KIAA1549L: variants seen among roughly 807,000 people sequenced by gnomAD.
KIAA1549L encodes the protein KIAA1549 like.
In KIAA1549L, 88 loss-of-function variants were observed where a neutral mutation model predicts 160.7. That is an observed-to-expected ratio of 0.55 (90% CI 0.46 to 0.65). The LOEUF is 0.65. Ranked by LOEUF, KIAA1549L falls within the 30% of genes least tolerant of loss-of-function variation. KIAA1549L has a pLI of 0.00. For synonymous variants in KIAA1549L, 950 were observed against 976.7 expected (o/e 0.97, Z 0.51); for missense variants, 2,258 against 2,437.5 (o/e 0.93, Z 1.55).
intron 13 of KIAA1549L, chr11:33,599,600 T>C (rs1185559293): frequency 6.6e-6 from 1 of 152,256 alleles, no homozygotes; most frequent in Non-Finnish European, 1.5e-5. Context: ...TCTCCTTTCC[T>C]GTAAGGATTG....
At chr11:33,576,868 G>A (rs112382295) in intron 10 of KIAA1549L, among the ~76,000 whole-genome samples, 9 of 152,138 alleles carry the variant, frequency 5.9e-5, no homozygotes, top group African/African-American at 1.7e-4. Flanking sequence ...GGTTGTAGAC[G>A]TGTTAGGTGT....
intron 14 of KIAA1549L, among the ~76,000 whole-genome samples, chr11:33,608,932 C>A (rs1473466375): frequency 1.6e-4 from 24 of 152,198 alleles, no homozygotes; most frequent in Admixed American, 1.6e-3. Context: ...ATACGTTTTT[C>A]TTTTGTAAAT....
At chr11:33,588,262 C>T (rs1326754526) in intron 11 of KIAA1549L, among the ~76,000 whole-genome samples, 1 of 152,186 alleles carries the variant, frequency 6.6e-6, no homozygotes, top group African/African-American at 2.4e-5. Flanking sequence ...GCACCAAGGA[C>T]AGTCCCTATC....
intron 1 of KIAA1549L, among the ~76,000 whole-genome samples, chr11:33,431,157 G>A (rs1162621219): frequency 6.6e-6 from 1 of 152,180 alleles, no homozygotes; most frequent in Non-Finnish European, 1.5e-5. Context: ...CTTCAGGAGT[G>A]AAGCTGCAGA....
intron 1 of KIAA1549L, among the ~76,000 whole-genome samples, chr11:33,418,197 A>G (rs961698434): frequency 2.6e-5 from 4 of 152,164 alleles, no homozygotes; most frequent in African/African-American, 9.7e-5. Flanking sequence ...GCAGGGTCTT[A>G]ATTTTGTTGG....
intron 17 of KIAA1549L, among the ~76,000 whole-genome samples, chr11:33,649,339 G>A (rs1399564557): frequency 3.0e-5 from 4 of 132,808 alleles, no homozygotes; most frequent in Admixed American, 1.5e-4. Flanking sequence ...CTGTCTCTAC[G>A]GGGGAAAAAA....
At chr11:33,602,593 T>C (rs1461289974) in intron 13 of KIAA1549L, among the ~76,000 whole-genome samples, 2 of 151,878 alleles carry the variant, frequency 1.3e-5, no homozygotes, top group Non-Finnish European at 2.9e-5. Context: ...AAAACAACAG[T>C]AAAAACAAGG....
At chr11:33,498,807 A>T (rs915486483) in intron 1 of KIAA1549L, among the ~76,000 whole-genome samples, 5 of 152,178 alleles carry the variant, frequency 3.3e-5, no homozygotes. Flanking sequence ...TACCATAGTG[A>T]GGAATCACCC....
chr11:33,477,277 T>G (rs1852307171), intron 1 of KIAA1549L, among the ~76,000 whole-genome samples: 1 of 151,966 alleles, frequency 6.6e-6, no homozygotes, highest in African/African-American at 2.4e-5. Flanking sequence ...CCCCACCACT[T>G]TTGGAACACT....
chr11:33,662,226 A>T (rs1016464529), intron 20 of KIAA1549L, among the ~76,000 whole-genome samples: 2 of 151,450 alleles, frequency 1.3e-5, no homozygotes, highest in Non-Finnish European at 2.9e-5. Flanking sequence ...GGCCCAGTAT[A>T]TTTTTTTTCT....
In KIAA1549L at chr11:33,552,385, G is replaced by T. The variant is rs962821571; in HGVS notation, c.3855+144G>T. The T allele has an allele frequency of 4.7e-5, 42 of 896,118 alleles. No individual in the cohort carries two copies. The African/African-American group carries it at 6.3e-4, about 13-fold the overall frequency. 55.5% of individuals were successfully genotyped at this position (896,118 alleles called of 1,614,324 possible). ...TCAGACATTGGTGAGGATGTCTGGG[G>T]TATGGCCATGACAGGAGGGATGCTG... On this transcript the variant is annotated intron_variant, in intron 6 of 20. Coordinates refer to ENST00000658780, the MANE Select transcript of KIAA1549L (RefSeq NM_012194.3).
Position 33,552,021 on chromosome 11 carries a change from G to A in KIAA1549L, c.3722-87G>A, listed in dbSNP as rs367763546. The A allele has an allele frequency of 2.3e-4, 325 of 1,442,520 alleles. No individual in the cohort carries two copies. In the African/African-American group the frequency reaches 3.9e-3, roughly 17 times the overall value. The allele number at this position is 1,442,520 out of a possible 1,614,324, so 89.4% of individuals were successfully genotyped here. On this transcript the variant is annotated intron_variant, in intron 5 of 20. Coordinates refer to ENST00000658780, the MANE Select transcript of KIAA1549L (RefSeq NM_012194.3). ...TGCCTAATTCCTCTCATCTAAAATC[G>A]TGCTGTTTTATATTATGACCACTGT...
intron 1 of KIAA1549L, among the ~76,000 whole-genome samples, chr11:33,398,101 T>C (rs574498867): frequency 1.5e-3 from 233 of 151,890 alleles, no homozygotes; most frequent in Non-Finnish European, 2.5e-3. Context: ...TTTGTATTTT[T>C]AGTAGAGACG....
intron 16 of KIAA1549L, among the ~76,000 whole-genome samples, chr11:33,621,595 C>T (rs556369621): frequency 1.3e-5 from 2 of 151,732 alleles, no homozygotes; most frequent in South Asian, 4.2e-4. Flanking sequence ...ATCTCTATTT[C>T]AAAGTATTTT....
intron 1 of KIAA1549L, among the ~76,000 whole-genome samples, chr11:33,516,988 T>C (rs1207003175): frequency 6.6e-6 from 1 of 152,228 alleles, no homozygotes; most frequent in Non-Finnish European, 1.5e-5. Flanking sequence ...AAAGATGATA[T>C]TGAGTGAGGT....
chr11:33,452,246 A>G (rs898145803), intron 1 of KIAA1549L, among the ~76,000 whole-genome samples: 3 of 152,194 alleles, frequency 2.0e-5, no homozygotes, highest in Non-Finnish European at 2.9e-5. Flanking sequence ...GAAGCTGCCT[A>G]TCATAGCTGT....
At position 33,551,031 on chromosome 11, in the gene KIAA1549L, GT is replaced by G; in HGVS notation, c.3502-5del. On this transcript the variant is annotated splice_region_variant and splice_polypyrimidine_tract_variant and intron_variant, in intron 4 of 20. Coordinates refer to ENST00000658780, the MANE Select transcript of KIAA1549L (RefSeq NM_012194.3). ...AACAATGGGTTTTGTGGGTCCATTT[GT>G]TTTGTAGGTGGACATTCTGGAATAT... The G allele has an allele frequency of 6.2e-7, 1 of 1,611,534 alleles. No individual in the cohort carries two copies. The highest frequency in any genetic ancestry group is 8.5e-7 in the Non-Finnish European group (1 of 1,177,606).
intron 1 of KIAA1549L, among the ~76,000 whole-genome samples, chr11:33,435,798 A>ATGTGTGTGTGTGTG (rs1254104673): frequency 7.9e-4 from 6 of 7,624 alleles, no homozygotes; most frequent in Non-Finnish European, 1.0e-3. Flanking sequence ...ATATATATAT[A>ATGTGTGTGTGTGTG]TATATATATA....
At chr11:33,512,398 TA>T (rs773587900) in intron 1 of KIAA1549L, among the ~76,000 whole-genome samples, 5 of 152,212 alleles carry the variant, frequency 3.3e-5, no homozygotes, top group Non-Finnish European at 5.9e-5. Flanking sequence ...TACACAGTTT[TA>T]AAAAATGGTT....
Sources: allele counts gnomAD v4.1 joint callset (sites outside exome capture counted in the v4.1 genomes callset), GRCh38; gene constraint gnomAD v4.1.1; transcripts MANE v1.5; gene names NCBI Gene and HGNC (gene_info 2026-07-23, HGNC 2026-07-21).